The following ORC3 variants were observed in gnomAD, a reference collection of about 807,000 sequenced individuals.
ORC3 encodes homolog of latheo, Drosophila.
A neutral mutation model predicts 100.7 loss-of-function variants in ORC3; 78 were observed. That is an observed-to-expected ratio of 0.77 (90% CI 0.65 to 0.94). ORC3 has a LOEUF of 0.94. Ranked by LOEUF, ORC3 falls within the 40% of genes least tolerant of loss-of-function variation. The pLI is 0.00. For missense variants in ORC3, 789 were observed against 823.9 expected, an observed-to-expected ratio of 0.96 and a Z score of 0.52; for synonymous variants, 295 against 289.3, an observed-to-expected ratio of 1.02 and a Z score of -0.20.
intron 13 of ORC3, among the ~76,000 whole-genome samples, chr6:87,638,451 G>C (rs1392666496): frequency 6.6e-6 from 1 of 152,150 alleles, no homozygotes; most frequent in Non-Finnish European, 1.5e-5. Context: ...ACCCCTGAAT[G>C]ATGCTTTGGA....
At chr6:87,676,348 C>T in the ORC3 span, among the ~76,000 whole-genome samples, 1 of 149,910 alleles carries the variant, frequency 6.7e-6, no homozygotes, top group African/African-American at 2.5e-5. Flanking sequence ...CGCCTGTAGT[C>T]CCAACTACTC....
At chr6:87,612,394 TTAA>T (rs1254356854) in intron 8 of ORC3, 146 bp downstream of exon 8, 6 of 475,668 alleles carry the variant, frequency 1.3e-5, no homozygotes, top group East Asian at 3.3e-5. Context: ...ATATTTTTAC[TTAA>T]TAATTTTTGT....
chr6:87,602,855 T>C (rs1315455834), intron 3 of ORC3, among the ~76,000 whole-genome samples: 2 of 147,872 alleles, frequency 1.4e-5, no homozygotes, highest in African/African-American at 5.0e-5. Context: ...TCAGTGGTGC[T>C]CCCCATAGGA....
chr6:87,637,265 T>C (rs1767899061), intron 13 of ORC3, among the ~76,000 whole-genome samples: 1 of 152,130 alleles, frequency 6.6e-6, no homozygotes, highest in African/African-American at 2.4e-5. Context: ...AAAGAACAGA[T>C]GGGCACAGTA....
chr6:87,675,479 A>C, the ORC3 span: 21 of 1,441,662 alleles, frequency 1.5e-5, no homozygotes. Context: ...CCACTGACGA[A>C]AGCTTGAAAT....
chr6:87,619,046 A>G (rs1779359546), intron 9 of ORC3, among the ~76,000 whole-genome samples: 2 of 152,212 alleles, frequency 1.3e-5, no homozygotes, highest in South Asian at 4.1e-4. Context: ...GGCAGTTAAA[A>G]TAATGTTATG....
At chr6:87,606,145 G>T in intron 5 of ORC3, 124 bp downstream of exon 5, 1 of 587,642 alleles carries the variant, frequency 1.7e-6, no homozygotes, top group South Asian at 2.2e-5. Flanking sequence ...TATGTTTTAG[G>T]CAGGGTGAGG....
At chr6:87,641,226 T>C (rs769159664) in intron 13 of ORC3, among the ~76,000 whole-genome samples, 1 of 152,144 alleles carries the variant, frequency 6.6e-6, no homozygotes, top group Non-Finnish European at 1.5e-5. Flanking sequence ...TAATGAAAAG[T>C]GTGCCCCACT....
At chr6:87,655,353 A>AT (rs34459713) in intron 14 of ORC3, among the ~76,000 whole-genome samples, 53,102 of 137,488 alleles carry the variant, frequency 0.39, 10,248 homozygotes, top group Admixed American at 0.45. Context: ...ATCCAGCTGA[A>AT]TTTTTTTTTT....
At chr6:87,639,132 A>T (rs1562361750) in intron 13 of ORC3, among the ~76,000 whole-genome samples, 1 of 152,208 alleles carries the variant, frequency 6.6e-6, no homozygotes, top group Non-Finnish European at 1.5e-5. Flanking sequence ...CATTATGCAC[A>T]TATGGCAAAT....
the ORC3 span, chr6:87,675,268 G>C: frequency 1.4e-5 from 5 of 346,344 alleles, no homozygotes; most frequent in East Asian, 2.5e-4. Flanking sequence ...TCATTCTACA[G>C]TTTTATTTAC....
chr6:87,658,218 G>A (rs1583165071), intron 16 of ORC3, among the ~76,000 whole-genome samples, 200 bp downstream of exon 16: 1 of 152,170 alleles, frequency 6.6e-6, no homozygotes, highest in African/African-American at 2.4e-5. Flanking sequence ...AGCACTTTGG[G>A]AGGCCAAGGC....
At chr6:87,662,753 T>G (rs1361066139) in intron 16 of ORC3, among the ~76,000 whole-genome samples, 2 of 152,112 alleles carry the variant, frequency 1.3e-5, no homozygotes, top group Non-Finnish European at 1.5e-5. Flanking sequence ...TAAAAACTAT[T>G]ATATGGAAGA....
chr6:87,619,038 C>A (rs966641893), intron 9 of ORC3, among the ~76,000 whole-genome samples: 2 of 151,960 alleles, frequency 1.3e-5, no homozygotes, highest in African/African-American at 4.8e-5. Flanking sequence ...TAAAAGGTGG[C>A]AGTTAAAATA....
chr6:87,645,587 A>G (rs187886152), intron 13 of ORC3, among the ~76,000 whole-genome samples: 2 of 151,984 alleles, frequency 1.3e-5, no homozygotes, highest in Admixed American at 1.3e-4. Context: ...AGTTCTGAGT[A>G]TTTTTCAAAA....
the ORC3 span, among the ~76,000 whole-genome samples, chr6:87,676,596 A>AACACACGCACGCGCGCGCGC: frequency 2.1e-5 from 3 of 142,044 alleles, no homozygotes; most frequent in African/African-American, 8.1e-5. Context: ...CTCTACTAAA[A>AACACACGCACGCGCGCGCGC]ACACACACAC....
intron 5 of ORC3, among the ~76,000 whole-genome samples, chr6:87,606,492 G>T (rs1778351060): frequency 6.6e-6 from 1 of 151,858 alleles, no homozygotes; most frequent in African/African-American, 2.4e-5. Flanking sequence ...GTGAACCCAT[G>T]AAATCATAAA....
rs189569600 is a variant in ORC3 at position 87,591,946 on chromosome 6, G to A, written c.24+1754G>A. Among the ~76,000 whole-genome samples, 476 of 152,268 alleles carry A rather than the reference G, an allele frequency of 3.1e-3. 4 individuals are homozygous for A. Among genetic ancestry groups the A allele is most frequent in the African/African-American group, 0.011 (455 of 41,552 alleles). ...GGGTTTCACCATGTTGGCCAGGCGG[G>A]TCTCGAACTCCTGACCTCGAGTGAT... On this transcript the variant is annotated intron_variant, in intron 1 of 19. Coordinates refer to ENST00000392844, the MANE Select transcript of ORC3 (RefSeq NM_012381.4).
chr6:87,630,928 T>A (rs969464041), intron 11 of ORC3, among the ~76,000 whole-genome samples: 2 of 151,906 alleles, frequency 1.3e-5, no homozygotes, highest in Admixed American at 6.6e-5. Context: ...TGGAGTACAG[T>A]GGTGCAATCA....
Sources: gnomAD v4.1 joint callset for allele counts (sites outside exome capture counted in the v4.1 genomes callset) on GRCh38, gnomAD v4.1.1 for gene constraint, MANE v1.5 for transcripts, NCBI Gene and HGNC (gene_info 2026-07-23, HGNC 2026-07-21) for gene names.